FAM193A: variants seen among roughly 807,000 people sequenced by gnomAD.
FAM193A encodes the protein family with sequence similarity 193 member A, also known as protein FAM193A.
Under a neutral mutation model 126.5 loss-of-function variants are expected in FAM193A, and 22 were observed. The ratio of observed to expected loss-of-function variants is 0.17; its 90% CI spans 0.12 to 0.25. The LOEUF (loss-of-function observed/expected upper bound fraction) is 0.25, where lower values mean the gene tolerates loss of function less well. Among genes scored for constraint, FAM193A ranks in the 10% least tolerant of loss-of-function variants. FAM193A has a pLI of 1.00. For missense variants in FAM193A, 1,675 were observed against 1,672.8 expected (o/e 1.00, Z -0.02); for synonymous variants, 761 against 646.8 (o/e 1.18, Z -2.68).
At chr4:2,713,714 G>A (rs933658286) in intron 19 of FAM193A, among the ~76,000 whole-genome samples, 2 of 152,154 alleles carry the variant, frequency 1.3e-5, no homozygotes, top group South Asian at 4.1e-4. Context: ...TACTACAACA[G>A]GGCTCCCGCT....
chr4:2,670,453 G>T (rs1355406316), intron 12 of FAM193A, among the ~76,000 whole-genome samples: 3 of 151,888 alleles, frequency 2.0e-5, no homozygotes, highest in Non-Finnish European at 4.4e-5. Flanking sequence ...CTGCATGTGG[G>T]TCACACTTTT....
At chr4:2,683,948 C>T (rs1459660751) in intron 13 of FAM193A, among the ~76,000 whole-genome samples, 10 of 152,202 alleles carry the variant, frequency 6.6e-5, no homozygotes, top group African/African-American at 1.2e-4. Context: ...TTGGCCGTGT[C>T]GTCTCCTGAT....
intron 5 of FAM193A, among the ~76,000 whole-genome samples, chr4:2,636,045 T>A (rs1020152150): frequency 4.6e-5 from 7 of 150,602 alleles, no homozygotes; most frequent in Non-Finnish European, 1.0e-4. Flanking sequence ...AAAGGAATAA[T>A]TTGTCTTTTT....
intron 4 of FAM193A, among the ~76,000 whole-genome samples, chr4:2,629,409 A>G (rs1743326843): frequency 1.3e-5 from 2 of 152,230 alleles, no homozygotes; most frequent in Admixed American, 1.3e-4. Flanking sequence ...TCATGCTCAA[A>G]AAATTAATGT....
At chr4:2,643,343 A>G (rs1560512952) in intron 6 of FAM193A, among the ~76,000 whole-genome samples, 2 of 148,730 alleles carry the variant, frequency 1.3e-5, no homozygotes, top group Non-Finnish European at 3.0e-5. Context: ...TGAAATACAT[A>G]TGGTACAATT....
intron 19 of FAM193A, among the ~76,000 whole-genome samples, chr4:2,713,742 C>T (rs1719251028): frequency 6.6e-6 from 1 of 152,190 alleles, no homozygotes; most frequent in South Asian, 2.1e-4. Flanking sequence ...GCTGAGTGTT[C>T]CCAGGTGTCT....
At chr4:2,554,035 A>C (rs1053139469) in intron 1 of FAM193A, among the ~76,000 whole-genome samples, 1 of 152,036 alleles carries the variant, frequency 6.6e-6, no homozygotes, top group African/African-American at 2.4e-5. Context: ...CAGCAGTGTG[A>C]AAATGGATTA....
intron 18 of FAM193A, among the ~76,000 whole-genome samples, chr4:2,698,560 G>A (rs571588928): frequency 1.1e-3 from 166 of 152,280 alleles, no homozygotes; most frequent in African/African-American, 3.9e-3. Context: ...TTTTTCAAAA[G>A]ACAAGTCAAT....
intron 1 of FAM193A, among the ~76,000 whole-genome samples, chr4:2,593,631 T>C (rs529585622): frequency 1.3e-5 from 2 of 152,324 alleles, no homozygotes; most frequent in East Asian, 1.9e-4. Flanking sequence ...CAGTAAATCC[T>C]GGATGACTGG....
At chr4:2,686,943 G>A (rs1007331652) in intron 13 of FAM193A, among the ~76,000 whole-genome samples, 6 of 152,246 alleles carry the variant, frequency 3.9e-5, no homozygotes, top group South Asian at 2.1e-4. Context: ...ATTGAAATAC[G>A]TTTTTTTATT....
intron 2 of FAM193A, chr4:2,607,974 C>G (rs1233661293): frequency 3.9e-6 from 6 of 1,553,616 alleles, no homozygotes; most frequent in Non-Finnish European, 4.4e-6. Context: ...TGAGATGCTA[C>G]CAGGGCAGCC....
chr4:2,636,860 AC>A (rs1438364045), intron 5 of FAM193A, among the ~76,000 whole-genome samples: 1 of 152,020 alleles, frequency 6.6e-6, no homozygotes, highest in Non-Finnish European at 1.5e-5. Context: ...TCTGAACAGC[AC>A]CCCCATTCTA....
chr4:2,645,228 G>C (rs1745017443), intron 6 of FAM193A, among the ~76,000 whole-genome samples: 1 of 152,138 alleles, frequency 6.6e-6, no homozygotes, highest in Non-Finnish European at 1.5e-5. Flanking sequence ...TTATAAACAT[G>C]GTATTTGATT....
chr4:2,609,430 TTCTA>T (rs966310860), intron 2 of FAM193A, among the ~76,000 whole-genome samples: 5 of 152,098 alleles, frequency 3.3e-5, no homozygotes, highest in African/African-American at 1.2e-4. Flanking sequence ...AGTCTTAAGT[TTCTA>T]TCTATTTTTC....
chr4:2,563,206 G>A (rs1028342081), intron 1 of FAM193A, among the ~76,000 whole-genome samples: 4 of 152,054 alleles, frequency 2.6e-5, no homozygotes, highest in Non-Finnish European at 4.4e-5. Context: ...GCCTCCCAAA[G>A]TGCTGGGATT....
At chr4:2,629,106 C>T (rs967077997) in intron 4 of FAM193A, among the ~76,000 whole-genome samples, 4 of 151,734 alleles carry the variant, frequency 2.6e-5, no homozygotes, top group Non-Finnish European at 2.9e-5. Flanking sequence ...GGATTATAGG[C>T]GTGAGCCACT....
At chr4:2,617,125 G>A (rs1255263835) in intron 2 of FAM193A, among the ~76,000 whole-genome samples, 1 of 124,896 alleles carries the variant, frequency 8.0e-6, no homozygotes, top group East Asian at 2.4e-4. Flanking sequence ...CTGAGATCGT[G>A]CCACTGCACT....
intron 19 of FAM193A, among the ~76,000 whole-genome samples, chr4:2,714,048 T>C (rs1359163392): frequency 1.3e-5 from 2 of 152,224 alleles, no homozygotes; most frequent in Admixed American, 6.5e-5. Flanking sequence ...AAATCTATTA[T>C]GACAGCACTT....
At chr4:2,576,906 C>T (rs1739618937) in intron 1 of FAM193A, among the ~76,000 whole-genome samples, 1 of 152,194 alleles carries the variant, frequency 6.6e-6, no homozygotes, top group African/African-American at 2.4e-5. Context: ...GATACAGAGG[C>T]AGCAGGAATA....
Sources: gnomAD v4.1 joint callset for allele counts (sites outside exome capture counted in the v4.1 genomes callset) on GRCh38, gnomAD v4.1.1 for gene constraint, MANE v1.5 for transcripts, NCBI Gene and HGNC (gene_info 2026-07-23, HGNC 2026-07-21) for gene names.